TANK: variants seen among roughly 807,000 people sequenced by gnomAD.
The protein encoded by TANK is TRAF family member associated NFKB activator.
TANK carries 15 observed loss-of-function variants against 43.6 expected under a neutral mutation model. The observed-to-expected ratio is 0.34, with a 90% confidence interval of 0.23 to 0.53. The LOEUF is 0.53. Among genes scored for constraint, TANK ranks in the 20% least tolerant of loss-of-function variants. The pLI is 0.94. For missense variants in TANK, 417 were observed against 498.6 expected, an observed-to-expected ratio of 0.84 and a Z score of 1.56; for synonymous variants, 162 against 178.2, an observed-to-expected ratio of 0.91 and a Z score of 0.73.
intron 7 of TANK, among the ~76,000 whole-genome samples, chr2:161,232,248 A>G (rs1337133100): frequency 1.3e-5 from 2 of 152,204 alleles, no homozygotes; most frequent in Non-Finnish European, 2.9e-5. Context: ...TGATTCTTTT[A>G]GTTAAAAAAA....
chr2:161,223,301 A>T (rs1218013087), intron 4 of TANK: 3 of 152,072 alleles, frequency 2.0e-5, no homozygotes, highest in Non-Finnish European at 4.4e-5. Context: ...TTTAAATGTC[A>T]GAATAGATGT....
chr2:161,196,990 G>T (rs780113514), intron 2 of TANK, among the ~76,000 whole-genome samples: 12 of 152,164 alleles, frequency 7.9e-5, no homozygotes, highest in Non-Finnish European at 1.6e-4. Flanking sequence ...AAATTTGGTT[G>T]CGGAATAGTT....
chr2:161,160,385 C>T (rs1558964434), upstream of TANK: 3 of 1,231,092 alleles, frequency 2.4e-6, no homozygotes, highest in Middle Eastern at 3.1e-4. Flanking sequence ...CGCGCAGGCA[C>T]TGCCCTCTGA....
chr2:161,138,485 C>T (rs780844208), intron 1 of TANK, among the ~76,000 whole-genome samples: 3 of 152,164 alleles, frequency 2.0e-5, no homozygotes, highest in Non-Finnish European at 2.9e-5. Flanking sequence ...GCCATGTTCA[C>T]GCAGCAACCA....
At chr2:161,143,520 A>T (rs1186085794) in intron 1 of TANK, among the ~76,000 whole-genome samples, 3 of 152,330 alleles carry the variant, frequency 2.0e-5, no homozygotes, top group Non-Finnish European at 4.4e-5. Flanking sequence ...AGATTTTAAC[A>T]TGAAGGGATG....
At chr2:161,179,123 C>G (rs1685304950) in intron 1 of TANK, among the ~76,000 whole-genome samples, 1 of 152,074 alleles carries the variant, frequency 6.6e-6, no homozygotes, top group African/African-American at 2.4e-5. Flanking sequence ...AGAACATTTT[C>G]ACACATTTTA....
intron 4 of TANK, among the ~76,000 whole-genome samples, chr2:161,211,566 A>C (rs1686889174): frequency 6.6e-6 from 1 of 152,258 alleles, no homozygotes; most frequent in Non-Finnish European, 1.5e-5. Context: ...TTAGCTACTA[A>C]GTGATTTCTA....
chr2:161,153,360 AT>A (rs1339723321), intron 1 of TANK, among the ~76,000 whole-genome samples: 6 of 152,064 alleles, frequency 3.9e-5, no homozygotes, highest in Non-Finnish European at 7.4e-5. Context: ...TTTTAAAGAC[AT>A]TTTAAGTGAT....
rs199641620 is a variant in TANK at position 161,231,000 on chromosome 2, A to T, written c.550A>T (p.Thr184Ser). 12 of 1,614,178 alleles carry T rather than the reference A, an allele frequency of 7.4e-6. No individual in the cohort carries two copies. The highest frequency in any genetic ancestry group is 1.0e-5 in the Non-Finnish European group (12 of 1,179,996). ...ETQCSVPIQC[T>S]DKTDKQEALF... ...ACAGTGCTCTGTGCCTATACAGTGT[A>T]CGGATAAAACAGATAAACAAGAAGC... The change falls in exon 7 of 8, where the codon ACG becomes TCG. Residue 184 changes from threonine to serine, a missense_variant. By Grantham distance (58) the Thr-to-Ser change is moderately conservative. Coordinates refer to ENST00000392749, the MANE Select transcript of TANK (RefSeq NM_001199135.3).
chr2:161,193,047 A>T (rs1685991316), intron 2 of TANK, among the ~76,000 whole-genome samples: 1 of 152,216 alleles, frequency 6.6e-6, no homozygotes, highest in Non-Finnish European at 1.5e-5. Context: ...GAGAGGCTAG[A>T]GCATAAAGTT....
chr2:161,181,773 G>A (rs1308820304), intron 2 of TANK, among the ~76,000 whole-genome samples: 1 of 152,058 alleles, frequency 6.6e-6, no homozygotes, highest in African/African-American at 2.4e-5. Context: ...ATGAGATTTG[G>A]GTGGGTACAC....
At chr2:161,146,778 T>C (rs895538014) in intron 1 of TANK, among the ~76,000 whole-genome samples, 1 of 152,160 alleles carries the variant, frequency 6.6e-6, no homozygotes, top group African/African-American at 2.4e-5. Context: ...TGATGACCCC[T>C]GTTGGAGGGT....
At position 161,231,059 on chromosome 2, in the gene TANK, T is replaced by C. The variant is rs993899530; in HGVS notation, c.609T>C (p.Asn203=). 2 of 1,614,112 alleles carry C rather than the reference T, an allele frequency of 1.2e-6. No individual in the cohort carries two copies. The highest frequency in any genetic ancestry group is 1.7e-6 in the Non-Finnish European group (2 of 1,179,986). ...LFKPQAKDDI[N]RGAPSITSVT... is the part of the protein sequence containing the mutation. ...AGCCTCAGGCTAAAGATGATATAAATAGAGGTGCACCATCCATCACATCTG... is the reference window on the plus strand; with the variant it reads ...AGCCTCAGGCTAAAGATGATATAAACAGAGGTGCACCATCCATCACATCTG... The change falls in exon 7 of 8, where the codon AAT becomes AAC. Residue 203 remains asparagine (N), a synonymous_variant. Transcript: ENST00000392749.
At chr2:161,152,919 G>T (rs937170634) in intron 1 of TANK, among the ~76,000 whole-genome samples, 1 of 152,022 alleles carries the variant, frequency 6.6e-6, no homozygotes, top group Admixed American at 6.5e-5. Flanking sequence ...AGAGTTCATT[G>T]AGCAACTTGA....
chr2:161,151,418 C>T (rs1214106116), intron 1 of TANK, among the ~76,000 whole-genome samples: 1 of 150,944 alleles, frequency 6.6e-6, no homozygotes, highest in African/African-American at 2.4e-5. Context: ...TTCAAGTCTG[C>T]CAATGTCTCG....
intron 6 of TANK, 105 bp from the exon 7 acceptor site, chr2:161,230,865 TA>T: frequency 2.2e-6 from 2 of 901,738 alleles, no homozygotes; most frequent in Non-Finnish European, 3.4e-6. Flanking sequence ...TCATTTGCTA[TA>T]AAAACCAATA....
intron 1 of TANK, among the ~76,000 whole-genome samples, chr2:161,149,232 A>G (rs1393701808): frequency 2.6e-5 from 4 of 151,902 alleles, no homozygotes; most frequent in African/African-American, 7.3e-5. Context: ...ATTCCTAGGC[A>G]TTTTCTTTTT....
chr2:161,152,545 C>A (rs1426169680), intron 1 of TANK, among the ~76,000 whole-genome samples: 1 of 152,082 alleles, frequency 6.6e-6, no homozygotes, highest in Non-Finnish European at 1.5e-5. Context: ...TGTGTCACTT[C>A]TTTCTTGCTG....
chr2:161,159,351 A>G (rs1352501019), upstream of TANK: 1 of 152,218 alleles, frequency 6.6e-6, no homozygotes, highest in Non-Finnish European at 1.5e-5. Flanking sequence ...ATCTCTGGAC[A>G]TTCCTTTCCA....
Sources: gnomAD v4.1 joint callset for allele counts (sites outside exome capture counted in the v4.1 genomes callset) on GRCh38, gnomAD v4.1.1 for gene constraint, MANE v1.5 for transcripts, NCBI Gene and HGNC (gene_info 2026-07-23, HGNC 2026-07-21) for gene names.